PBX3: variants seen among roughly 807,000 people sequenced by gnomAD.
The protein encoded by PBX3 is pre-B-cell leukemia transcription factor 3.
A neutral mutation model predicts 48.5 loss-of-function variants in PBX3; 14 were observed. The observed-to-expected ratio is 0.29, with a 90% CI of 0.19 to 0.45. The LOEUF (loss-of-function observed/expected upper bound fraction) is 0.45. Among genes scored for constraint, PBX3 ranks in the 20% least tolerant of loss-of-function variants. The pLI is 1.00. For missense variants in PBX3, 386 were observed against 546.7 expected (o/e 0.71, Z 2.93); for synonymous variants, 210 against 200.3 (o/e 1.05, Z -0.41).
chr9:125,780,791 C>G (rs1227381634), intron 2 of PBX3, among the ~76,000 whole-genome samples: 1 of 148,328 alleles, frequency 6.7e-6, no homozygotes, highest in Non-Finnish European at 1.5e-5. Context: ...CCCCACCTCC[C>G]TCCCGGACGG....
chr9:125,867,565 G>A (rs1171475543), intron 2 of PBX3, among the ~76,000 whole-genome samples: 2 of 150,970 alleles, frequency 1.3e-5, no homozygotes, highest in South Asian at 2.1e-4. Context: ...ACTTGAATGC[G>A]GGAGGTGGAG....
intron 2 of PBX3, among the ~76,000 whole-genome samples, chr9:125,896,986 A>G (rs1588271705): frequency 6.6e-6 from 1 of 152,092 alleles, no homozygotes; most frequent in East Asian, 1.9e-4. Context: ...ATGTAATTTA[A>G]TGTGATTTTA....
At chr9:125,831,941 G>A (rs920692541) in intron 2 of PBX3, among the ~76,000 whole-genome samples, 5 of 152,056 alleles carry the variant, frequency 3.3e-5, no homozygotes, top group African/African-American at 7.2e-5. Flanking sequence ...TTTTTATTGA[G>A]GAGTGATATA....
At chr9:125,954,753 G>A (rs1842266422) in intron 5 of PBX3, among the ~76,000 whole-genome samples, 1 of 152,118 alleles carries the variant, frequency 6.6e-6, no homozygotes, top group Non-Finnish European at 1.5e-5. Context: ...TGGCCAGGAT[G>A]GTCTCAATCT....
At chr9:125,845,028 T>A (rs962764337) in intron 2 of PBX3, 3 of 152,142 alleles carry the variant, frequency 2.0e-5, no homozygotes, top group Non-Finnish European at 2.9e-5. Context: ...TATGCTTTTT[T>A]AAAAATACTG....
At chr9:125,837,794 G>T (rs1310928745) in intron 2 of PBX3, among the ~76,000 whole-genome samples, 2 of 151,920 alleles carry the variant, frequency 1.3e-5, no homozygotes, top group Non-Finnish European at 2.9e-5. Flanking sequence ...GTTTCACCGT[G>T]TTAGCCAGGA....
At chr9:125,824,674 T>A (rs1042709597) in intron 2 of PBX3, among the ~76,000 whole-genome samples, 1 of 151,966 alleles carries the variant, frequency 6.6e-6, no homozygotes, top group Non-Finnish European at 1.5e-5. Flanking sequence ...TAAATTAGAA[T>A]CTATATGATG....
At chr9:125,805,904 G>A (rs867146637) in intron 2 of PBX3, among the ~76,000 whole-genome samples, 1 of 152,130 alleles carries the variant, frequency 6.6e-6, no homozygotes, top group Admixed American at 6.5e-5. Context: ...TAGGAATGAA[G>A]GAAACAGATA....
intron 2 of PBX3, among the ~76,000 whole-genome samples, chr9:125,781,093 A>G (rs1254528491): frequency 6.7e-6 from 1 of 148,424 alleles, no homozygotes; most frequent in East Asian, 2.0e-4. Context: ...CCAGGCAGAG[A>G]CGCTCCTCAC....
At chr9:125,801,422 A>G (rs1258923008) in intron 2 of PBX3, among the ~76,000 whole-genome samples, 3 of 152,154 alleles carry the variant, frequency 2.0e-5, no homozygotes, top group Non-Finnish European at 2.9e-5. Context: ...CTTTTATTTT[A>G]TGGAGCTTTG....
intron 2 of PBX3, among the ~76,000 whole-genome samples, chr9:125,793,832 A>G (rs933068117): frequency 7.2e-5 from 11 of 152,264 alleles, no homozygotes; most frequent in African/African-American, 1.7e-4. Context: ...GGTAAATTTT[A>G]AAAATGTAAT....
intron 2 of PBX3, among the ~76,000 whole-genome samples, chr9:125,902,485 G>A (rs1348240770): frequency 1.3e-5 from 2 of 151,584 alleles, no homozygotes; most frequent in Non-Finnish European, 3.0e-5. Context: ...ACAGAGTAAG[G>A]CTTGTCTTTG....
At chr9:125,772,302 C>T (rs1316228651) in intron 2 of PBX3, among the ~76,000 whole-genome samples, 5 of 152,096 alleles carry the variant, frequency 3.3e-5, no homozygotes, top group Admixed American at 6.6e-5. Context: ...TTGAGGTGAT[C>T]GGGCTATTAA....
intron 2 of PBX3, among the ~76,000 whole-genome samples, chr9:125,909,663 C>T (rs371041627): frequency 4.6e-5 from 7 of 152,170 alleles, no homozygotes; most frequent in Non-Finnish European, 8.8e-5. Context: ...CGTGAAGAAA[C>T]GTCAGAGTCA....
intron 2 of PBX3, among the ~76,000 whole-genome samples, chr9:125,852,498 G>C (rs1839611014): frequency 6.6e-6 from 1 of 152,112 alleles, no homozygotes; most frequent in Non-Finnish European, 1.5e-5. Flanking sequence ...TTGGCTTTCG[G>C]AACAATTGAC....
At chr9:125,923,386 T>TA (rs1841496373) in intron 3 of PBX3, among the ~76,000 whole-genome samples, 2 of 152,216 alleles carry the variant, frequency 1.3e-5, no homozygotes, top group Admixed American at 6.5e-5. Flanking sequence ...TTAACAGTGT[T>TA]ACGTGGCATT....
At chr9:125,822,344 G>A (rs1325144011) in intron 2 of PBX3, among the ~76,000 whole-genome samples, 1 of 152,088 alleles carries the variant, frequency 6.6e-6, no homozygotes, top group African/African-American at 2.4e-5. Context: ...TGGCATTGGG[G>A]ATAAGGAATG....
At chr9:125,961,683 C>T (rs1482863397) in intron 6 of PBX3, among the ~76,000 whole-genome samples, 2 of 151,986 alleles carry the variant, frequency 1.3e-5, no homozygotes, top group African/African-American at 4.8e-5. Context: ...ATATGCATAG[C>T]GAAGAAAGAG....
intron 2 of PBX3, among the ~76,000 whole-genome samples, chr9:125,792,177 G>T (rs1001941700): frequency 2.0e-5 from 3 of 152,140 alleles, no homozygotes; most frequent in African/African-American, 7.2e-5. Context: ...AAAGAGGAGG[G>T]AGCAACTAAC....
Sources: allele counts gnomAD v4.1 joint callset (sites outside exome capture counted in the v4.1 genomes callset), GRCh38; gene constraint gnomAD v4.1.1; transcripts MANE v1.5; gene names NCBI Gene and HGNC (gene_info 2026-07-23, HGNC 2026-07-21).